IRGM: variants seen among roughly 807,000 people sequenced by gnomAD.
IRGM encodes immunity related GTPase M.
For synonymous variants in IRGM, 98 were observed against 80.6 expected (o/e 1.22, Z -1.16); for missense variants, 288 against 219.9 (o/e 1.31, Z -1.96).
chr5:150,899,669 A>C (rs1466851964), intron 3 of IRGM, among the ~76,000 whole-genome samples: 1 of 152,146 alleles, frequency 6.6e-6, no homozygotes, highest in Non-Finnish European at 1.5e-5. Context: ...ACAACAAATT[A>C]GTGACATAAC....
chr5:150,898,197 A>T (rs768800708), intron 3 of IRGM: 1 of 1,612,310 alleles, frequency 6.2e-7, no homozygotes, highest in Non-Finnish European at 8.5e-7. Context: ...ATTAAACAGA[A>T]ATCACAGAGA....
intron 3 of IRGM, among the ~76,000 whole-genome samples, chr5:150,891,160 T>G (rs1300548017): frequency 6.6e-6 from 1 of 152,148 alleles, no homozygotes; most frequent in Non-Finnish European, 1.5e-5. Context: ...CATGATAAAC[T>G]GATTCCTTTA....
intron 1 of IRGM, among the ~76,000 whole-genome samples, chr5:150,858,360 G>A (rs1238014745): frequency 2.0e-5 from 3 of 152,196 alleles, no homozygotes; most frequent in South Asian, 2.1e-4. Context: ...CAGGTAGTGC[G>A]ATGCCTCCAG....
rs186157685 is a variant in IRGM at position 150,857,091 on chromosome 5, C to A, written c.158+8437C>A. ...TGCTATCCCTCCCTCCTCCCCCAAC[C>A]CCACAACAGTCCCCAGTGTGTGATG... On this transcript the variant is annotated intron_variant and NMD_transcript_variant, in intron 1 of 3. Transcript: ENST00000520549. Among the ~76,000 whole-genome samples the A allele has an allele frequency of 3.9e-3, 593 of 151,970 alleles. 8 individuals carry two copies. The highest frequency in any genetic ancestry group is 0.014 in the African/African-American group (561 of 41,412).
intron 1 of IRGM, among the ~76,000 whole-genome samples, chr5:150,870,333 G>A (rs1414626779): frequency 6.6e-6 from 1 of 152,164 alleles, no homozygotes; most frequent in East Asian, 1.9e-4. Context: ...GGGATTCTGG[G>A]TGGAGATGCC....
intron 1 of IRGM, among the ~76,000 whole-genome samples, chr5:150,860,532 G>A (rs1754121301): frequency 6.6e-6 from 1 of 152,174 alleles, no homozygotes. Context: ...TTTTGTAATA[G>A]TTTACTAAGA....
intron 1 of IRGM, among the ~76,000 whole-genome samples, chr5:150,865,697 G>C (rs6862814): frequency 6.6e-6 from 1 of 152,026 alleles, no homozygotes; most frequent in East Asian, 1.9e-4. Context: ...GGGAAAACAC[G>C]CCTCTCCACA....
intron 1 of IRGM, among the ~76,000 whole-genome samples, chr5:150,870,757 C>T (rs1335405982): frequency 6.6e-6 from 1 of 152,092 alleles, no homozygotes; most frequent in Non-Finnish European, 1.5e-5. Flanking sequence ...GCCATCTGGT[C>T]TTAATTTCTC....
intron 1 of IRGM, among the ~76,000 whole-genome samples, chr5:150,855,612 C>G (rs1754038129): frequency 6.6e-6 from 1 of 152,132 alleles, no homozygotes; most frequent in Non-Finnish European, 1.5e-5. Flanking sequence ...GTCTGATTTT[C>G]CAACATGGTA....
rs116186940 is a variant in IRGM, at chr5:150,856,473, G to T, written c.158+7819G>T. Among the ~76,000 whole-genome samples, 503 of 152,016 alleles carry T rather than the reference G, an allele frequency of 3.3e-3. 3 individuals carry two copies. The highest frequency in any genetic ancestry group is 0.011 in the African/African-American group (477 of 41,486). On this transcript the variant is annotated intron_variant and NMD_transcript_variant, in intron 1 of 3. Transcript: ENST00000520549. ...TAAAAATTATAAAATAAAATAAAAT[G>T]TATCAAAATTCTACTCTCTCTAAGG...
At chr5:150,892,846 G>T (rs973272493) in intron 3 of IRGM, among the ~76,000 whole-genome samples, 1 of 152,064 alleles carries the variant, frequency 6.6e-6, no homozygotes, top group Non-Finnish European at 1.5e-5. Flanking sequence ...CTGGGGTCAA[G>T]GTGTCCTCCC....
In IRGM at chr5:150,847,809, T is replaced by TTTGTTTG. The variant is rs1753895367; in HGVS notation, c.-313_-312insGTTTGTT. On this transcript the variant is annotated 5_prime_UTR_variant, in exon 2 of 2. It removes the in-frame stop codon of an upstream open reading frame in the 5' UTR. Coordinates refer to ENST00000522154, the MANE Select transcript of IRGM (RefSeq NM_001145805.2). ...TTTTTGCCACACCATAAGCATTGGG[T>TTTGTTTG]TTTGTTTGTTTTGAGATGGAGTCTT... The TTTGTTTG allele has an allele frequency of 1.1e-5, 3 of 276,740 alleles. No homozygotes were observed. Among genetic ancestry groups the TTTGTTTG allele is most frequent in the South Asian group, 1.0e-4 (2 of 19,942 alleles). 17.1% of individuals were successfully genotyped at this position (276,740 alleles called of 1,614,324 possible). A position where few individuals can be genotyped will look rare whatever the true frequency, so the allele number is the denominator to read the frequency against.
chr5:150,856,121 A>ATTT (rs1183867386), intron 1 of IRGM, among the ~76,000 whole-genome samples: 6 of 152,170 alleles, frequency 3.9e-5, no homozygotes, highest in Non-Finnish European at 8.8e-5. Flanking sequence ...TATAAGTTAA[A>ATTT]TATGTGATTT....
At chr5:150,896,725 G>T (rs779793490) in intron 3 of IRGM, 1 of 1,613,462 alleles carries the variant, frequency 6.2e-7, no homozygotes, top group East Asian at 2.2e-5. Flanking sequence ...ATGCACTCTT[G>T]AAATATTTTC....
chr5:150,861,903 A>G (rs1468093962), intron 1 of IRGM, among the ~76,000 whole-genome samples: 3 of 152,252 alleles, frequency 2.0e-5, no homozygotes, highest in Admixed American at 1.3e-4. Flanking sequence ...ATTATTAACT[A>G]TTGCTGCATA....
chr5:150,847,995 G>A lies in IRGM; in HGVS notation c.-129G>A, dbSNP rs1331153770. The A allele has an allele frequency of 5.7e-6, 4 of 700,674 alleles. No individual in the cohort carries two copies. The highest frequency in any genetic ancestry group is 2.9e-5 in the Admixed American group (1 of 33,918). 43.4% of individuals were successfully genotyped at this position (700,674 alleles called of 1,614,324 possible). A position where few individuals can be genotyped will look rare whatever the true frequency, so the allele number is the denominator to read the frequency against. On this transcript the variant is annotated 5_prime_UTR_variant, in exon 2 of 2. Coordinates refer to ENST00000522154, the MANE Select transcript of IRGM (RefSeq NM_001145805.2). ...ATTTTTTTGTATTTTAGTAGAGAAG[G>A]TTTCACGATGTTGGCCAGGATGGTC...
At chr5:150,860,631 A>G (rs1216811752) in intron 1 of IRGM, among the ~76,000 whole-genome samples, 2 of 152,236 alleles carry the variant, frequency 1.3e-5, no homozygotes, top group African/African-American at 4.8e-5. Flanking sequence ...AACAAGGTCC[A>G]AGATGGACAG....
intron 3 of IRGM, chr5:150,898,447 G>A: frequency 6.2e-7 from 1 of 1,613,506 alleles, no homozygotes; most frequent in Non-Finnish European, 8.5e-7. Flanking sequence ...CCAGGTGGCT[G>A]TAGTTCTCCA....
At chr5:150,887,818 C>T (rs1754549259) in intron 3 of IRGM, among the ~76,000 whole-genome samples, 1 of 151,906 alleles carries the variant, frequency 6.6e-6, no homozygotes, top group African/African-American at 2.4e-5. Flanking sequence ...GGAGTGCTAA[C>T]TATAGAAAGG....
Sources: allele counts gnomAD v4.1 joint callset (sites outside exome capture counted in the v4.1 genomes callset), GRCh38; gene constraint gnomAD v4.1.1; transcripts MANE v1.5; gene names NCBI Gene and HGNC (gene_info 2026-07-23, HGNC 2026-07-21).